STK32B: variants seen among roughly 807,000 people sequenced by gnomAD.
The protein encoded by STK32B is serine/threonine kinase 32B.
A neutral mutation model predicts 52.6 loss-of-function variants in STK32B; 43 were observed. The observed-to-expected ratio is 0.82, with a 90% confidence interval of 0.64 to 1.05. STK32B has a LOEUF of 1.05. Among genes scored for constraint, STK32B ranks in the 50% least tolerant of loss-of-function variants. The pLI, the probability that STK32B is intolerant of heterozygous loss-of-function variation, is 0.00. For synonymous variants in STK32B, 238 were observed against 204.3 expected (o/e 1.17, Z -1.41); for missense variants, 621 against 534.6 (o/e 1.16, Z -1.59).
At chr4:5,050,139 C>G (rs1412977435), upstream of STK32B, among the ~76,000 whole-genome samples, 1 of 152,170 alleles carries the variant, frequency 6.6e-6, no homozygotes, top group Non-Finnish European at 1.5e-5. Flanking sequence ...CTGCTGCACA[C>G]TGGCTACTCA....
At chr4:5,079,930 G>C (rs551560538) in intron 1 of STK32B, among the ~76,000 whole-genome samples, 45 of 152,288 alleles carry the variant, frequency 3.0e-4, no homozygotes, top group African/African-American at 9.9e-4. Context: ...CACAAAAGCA[G>C]ACAGTAGGAT....
At chr4:5,428,350 G>T (rs1227058371) in intron 6 of STK32B, among the ~76,000 whole-genome samples, 1 of 152,092 alleles carries the variant, frequency 6.6e-6, no homozygotes, top group African/African-American at 2.4e-5. Flanking sequence ...GGAGCTTGCA[G>T]TGAGCCGAGA....
At chr4:5,176,980 C>G (rs985881887) in intron 3 of STK32B, among the ~76,000 whole-genome samples, 2 of 152,154 alleles carry the variant, frequency 1.3e-5, no homozygotes, top group Non-Finnish European at 2.9e-5. Flanking sequence ...GTCATAATGA[C>G]ATTATAATGC....
At chr4:5,222,639 C>T (rs948652962) in intron 3 of STK32B, among the ~76,000 whole-genome samples, 1 of 152,154 alleles carries the variant, frequency 6.6e-6, no homozygotes, top group Non-Finnish European at 1.5e-5. Context: ...GAGTGATGAA[C>T]TAGAATATTT....
chr4:5,462,202 G>A lies in STK32B; in HGVS notation c.909+1974G>A, dbSNP rs556050330. Among the ~76,000 whole-genome samples, 7 of 151,998 alleles carry A rather than the reference G, an allele frequency of 4.6e-5. No individual in the cohort carries two copies. In the South Asian group the frequency reaches 1.5e-3, roughly 32 times the overall value. On this transcript the variant is annotated intron_variant, in intron 9 of 11. Transcript: ENST00000282908. ...GTATGTCTGTGTGCATGCCCGTGGT[G>A]TGTGTGCCTATATGTCTATGTGTGC...
intron 3 of STK32B, among the ~76,000 whole-genome samples, chr4:5,259,329 CA>C (rs1726550104): frequency 1.3e-5 from 2 of 152,208 alleles, no homozygotes; most frequent in African/African-American, 4.8e-5. Context: ...GCTTGGCACA[CA>C]TTAGGTGCTC....
intron 3 of STK32B, among the ~76,000 whole-genome samples, chr4:5,302,671 G>T (rs1236537795): frequency 6.6e-6 from 1 of 151,932 alleles, no homozygotes; most frequent in African/African-American, 2.4e-5. Flanking sequence ...AAGTTCTTTA[G>T]CAGTGATTTC....
At chr4:5,436,297 A>G (rs1186134727) in intron 6 of STK32B, among the ~76,000 whole-genome samples, 2 of 152,252 alleles carry the variant, frequency 1.3e-5, no homozygotes, top group Non-Finnish European at 2.9e-5. Context: ...TGATGGTAGA[A>G]CACAGCAATA....
intron 1 of STK32B, among the ~76,000 whole-genome samples, chr4:5,059,492 TCAGA>T (rs1007297025): frequency 4.6e-5 from 7 of 152,184 alleles, no homozygotes; most frequent in South Asian, 2.1e-4. Flanking sequence ...CTTTTTGTGA[TCAGA>T]CAAAGAATTA....
At chr4:5,407,429 A>T (rs761394257) in intron 5 of STK32B, among the ~76,000 whole-genome samples, 1 of 152,118 alleles carries the variant, frequency 6.6e-6, no homozygotes, top group Non-Finnish European at 1.5e-5. Context: ...AGGAGTCTTT[A>T]TAGCAGTGTC....
chr4:5,364,019 C>T lies in STK32B; in HGVS notation c.434+32626C>T, dbSNP rs1286488162. Among the ~76,000 whole-genome samples, 11 of 151,336 alleles carry T rather than the reference C, an allele frequency of 7.3e-5. No homozygotes were observed. In the Admixed American group the frequency reaches 7.4e-4, roughly 10 times the overall value. On this transcript the variant is annotated intron_variant, in intron 4 of 11. Transcript: ENST00000282908. The stretch of plus-strand genomic sequence containing the variant: ...AATTATGAGAGATATATTGATCCAT[C>T]CCCCTGCTGGAGGCATCCTTTTGAA...
rs369721241 is a variant in STK32B, at chr4:5,418,181, C to T, written c.562+1247C>T. Among the ~76,000 whole-genome samples, 4 of 152,318 alleles carry T rather than the reference C, an allele frequency of 2.6e-5. No homozygotes were observed. The East Asian group carries it at 5.8e-4, about 22-fold the overall frequency. On this transcript the variant is annotated intron_variant, in intron 6 of 11. Coordinates refer to ENST00000282908, the MANE Select transcript of STK32B (RefSeq NM_018401.3). Reference sequence around the variant, plus strand: ...ACTGTGTCTTTTAACTCTTTTGAAACGTAGGCTATAGTTTCATTCTGTTTT... The same window carrying T: ...ACTGTGTCTTTTAACTCTTTTGAAATGTAGGCTATAGTTTCATTCTGTTTT...
chr4:5,429,348 AT>A (rs1186549070), intron 6 of STK32B, among the ~76,000 whole-genome samples: 1 of 151,788 alleles, frequency 6.6e-6, no homozygotes, highest in African/African-American at 2.4e-5. Context: ...TATTTGTTTC[AT>A]TTGGTCTTTG....
chr4:5,301,815 C>G (rs1441955749), intron 3 of STK32B, among the ~76,000 whole-genome samples: 1 of 141,512 alleles, frequency 7.1e-6, no homozygotes, highest in Non-Finnish European at 1.5e-5. Context: ...TAATCTTTGT[C>G]ATTTCCTTCG....
chr4:5,310,080 C>A (rs550801988), intron 3 of STK32B, among the ~76,000 whole-genome samples: 1 of 152,174 alleles, frequency 6.6e-6, no homozygotes, highest in East Asian at 1.9e-4. Flanking sequence ...GCAGGAGAAT[C>A]GCTTGAACCC....
chr4:5,339,935 T>C (rs1377454946), intron 4 of STK32B, among the ~76,000 whole-genome samples: 1 of 152,186 alleles, frequency 6.6e-6, no homozygotes, highest in Non-Finnish European at 1.5e-5. Context: ...TCCTATATAC[T>C]CTGGGTGACG....
intron 3 of STK32B, among the ~76,000 whole-genome samples, chr4:5,314,392 G>A (rs544984609): frequency 6.6e-6 from 1 of 152,214 alleles, no homozygotes; most frequent in South Asian, 2.1e-4. Context: ...AAACTCAGCT[G>A]GGCACTGTGG....
At position 5,425,615 on chromosome 4, in the gene STK32B, T is replaced by A. The variant is rs915218701; in HGVS notation, c.562+8681T>A. Among the ~76,000 whole-genome samples, 9 of 152,186 alleles carry A rather than the reference T, an allele frequency of 5.9e-5. 1 individual carries two copies. Among genetic ancestry groups the A allele is most frequent in the African/African-American group, 1.7e-4 (7 of 41,434 alleles). ...GTGAGGGAGACAGTCAGTTTAAAAATCACCAAACTGATAAATATGGAGTTT... is the reference window on the plus strand; with the variant it reads ...GTGAGGGAGACAGTCAGTTTAAAAAACACCAAACTGATAAATATGGAGTTT... On this transcript the variant is annotated intron_variant, in intron 6 of 11. Transcript: ENST00000282908.
intron 3 of STK32B, among the ~76,000 whole-genome samples, chr4:5,278,988 C>A (rs1242468655): frequency 2.0e-5 from 3 of 152,168 alleles, no homozygotes; most frequent in African/African-American, 4.8e-5. Context: ...TACCCCAACA[C>A]TGACAATTAC....
Sources: gnomAD v4.1 joint callset for allele counts (sites outside exome capture counted in the v4.1 genomes callset) on GRCh38, gnomAD v4.1.1 for gene constraint, MANE v1.5 for transcripts, NCBI Gene and HGNC (gene_info 2026-07-23, HGNC 2026-07-21) for gene names.